TMEM132C: variants seen among roughly 807,000 people sequenced by gnomAD.
The protein encoded by TMEM132C is protein phosphatase 1, regulatory subunit 152.
In TMEM132C, 29 loss-of-function variants were observed where a neutral mutation model predicts 61.4. The ratio of observed to expected loss-of-function variants is 0.47; its 90% CI spans 0.35 to 0.64. TMEM132C has a LOEUF of 0.64. Among genes scored for constraint, TMEM132C ranks in the 30% least tolerant of loss-of-function variants. TMEM132C has a pLI of 0.00. For missense variants in TMEM132C, 1,408 were observed against 1,476.9 expected, an observed-to-expected ratio of 0.95 and a Z score of 0.76; for synonymous variants, 656 against 633.1, an observed-to-expected ratio of 1.04 and a Z score of -0.54.
chr12:128,534,914 A>G (rs1273968512), intron 2 of TMEM132C, among the ~76,000 whole-genome samples: 2 of 152,382 alleles, frequency 1.3e-5, no homozygotes, highest in South Asian at 4.1e-4. Context: ...AAGCGGAAAG[A>G]ACAATTTGTA....
intron 2 of TMEM132C, among the ~76,000 whole-genome samples, chr12:128,438,446 G>A (rs1869672536): frequency 1.3e-5 from 2 of 152,198 alleles, no homozygotes; most frequent in South Asian, 2.1e-4. Context: ...CACATGCGTG[G>A]AAGCAGCCTG....
chr12:128,331,227 A>G (rs910540005), intron 1 of TMEM132C, among the ~76,000 whole-genome samples: 1 of 151,956 alleles, frequency 6.6e-6, no homozygotes. Context: ...ATGTGGTGCT[A>G]ATTTTTCCAG....
At chr12:128,590,884 C>G (rs1323301444) in intron 3 of TMEM132C, among the ~76,000 whole-genome samples, 10 of 152,150 alleles carry the variant, frequency 6.6e-5, no homozygotes, top group Non-Finnish European at 1.3e-4. Context: ...TCAAGCCATC[C>G]TCCCATCTCA....
At chr12:128,292,934 GT>G (rs11292486) in intron 1 of TMEM132C, among the ~76,000 whole-genome samples, 34,940 of 147,354 alleles carry the variant, frequency 0.24, 4,536 homozygotes, top group East Asian at 0.5. Flanking sequence ...TGTTTTCTGT[GT>G]GTTGGTGTAG....
intron 2 of TMEM132C, among the ~76,000 whole-genome samples, chr12:128,525,664 C>G (rs1304410931): frequency 6.6e-6 from 1 of 152,126 alleles, no homozygotes; most frequent in Non-Finnish European, 1.5e-5. Flanking sequence ...AACCCATCGG[C>G]CTTACCCCTG....
At chr12:128,563,646 A>G (rs1294033492) in intron 3 of TMEM132C, among the ~76,000 whole-genome samples, 1 of 152,186 alleles carries the variant, frequency 6.6e-6, no homozygotes, top group Non-Finnish European at 1.5e-5. Flanking sequence ...GAATTTGGGC[A>G]GTGTACATTC....
At chr12:128,537,437 C>A (rs1873572489) in intron 2 of TMEM132C, among the ~76,000 whole-genome samples, 1 of 152,172 alleles carries the variant, frequency 6.6e-6, no homozygotes, top group Admixed American at 6.5e-5. Flanking sequence ...GCCAGGAACT[C>A]AGTTTTCAAG....
chr12:128,672,347 C>T (rs960033594), intron 5 of TMEM132C, among the ~76,000 whole-genome samples: 3 of 152,078 alleles, frequency 2.0e-5, no homozygotes, highest in African/African-American at 7.2e-5. Context: ...GTTGATAAGA[C>T]ACCTCCAGTA....
At chr12:128,560,943 A>G (rs571805164) in intron 3 of TMEM132C, among the ~76,000 whole-genome samples, 41 of 152,376 alleles carry the variant, frequency 2.7e-4, no homozygotes, top group Non-Finnish European at 2.9e-5. Flanking sequence ...CACCGTACAG[A>G]TAAAGGAAGA....
At chr12:128,422,325 G>C (rs1366508907) in intron 2 of TMEM132C, among the ~76,000 whole-genome samples, 1 of 152,178 alleles carries the variant, frequency 6.6e-6, no homozygotes, top group African/African-American at 2.4e-5. Flanking sequence ...AGGTAGGTCA[G>C]TCTTGACCCT....
At chr12:128,543,619 A>G (rs1275479077) in intron 2 of TMEM132C, among the ~76,000 whole-genome samples, 1 of 152,158 alleles carries the variant, frequency 6.6e-6, no homozygotes, top group Non-Finnish European at 1.5e-5. Context: ...TGTCTCTGGC[A>G]GGGCGCAGAG....
At chr12:128,462,066 C>T (rs892053995) in intron 2 of TMEM132C, among the ~76,000 whole-genome samples, 1 of 151,948 alleles carries the variant, frequency 6.6e-6, no homozygotes, top group Admixed American at 6.6e-5. Context: ...GGAATGAATA[C>T]AGCTTCTGCT....
intron 2 of TMEM132C, among the ~76,000 whole-genome samples, chr12:128,473,563 C>T (rs1304634690): frequency 2.1e-3 from 270 of 127,064 alleles, no homozygotes; most frequent in South Asian, 0.015. Context: ...CATCTTCATC[C>T]TTACTCCAGC....
intron 1 of TMEM132C, among the ~76,000 whole-genome samples, chr12:128,399,145 C>T (rs1029450708): frequency 1.3e-5 from 2 of 152,118 alleles, no homozygotes; most frequent in South Asian, 4.1e-4. Context: ...AACTAGCAAG[C>T]AGATGAAACT....
chr12:128,706,001 C>G lies in TMEM132C; in HGVS notation c.3033C>G (p.Leu1011=). The G allele has an allele frequency of 7.1e-6, 11 of 1,551,706 alleles. No individual in the cohort carries two copies. Among genetic ancestry groups the G allele is most frequent in the Non-Finnish European group, 9.6e-6 (11 of 1,146,998 alleles). Residue 1011 remains leucine (L), a synonymous_variant, in exon 9 of 9, where the codon CTC becomes CTG. Transcript: ENST00000435159. ...GGGCCTGCGAGGAGAGCAACCATCT[C>G]CTGCTCAATGGTGGCTCCCACAAGC... ...GPGACEESNH[L]LLNGGSHKHV...
At chr12:128,676,915 G>C (rs1954593920) in intron 5 of TMEM132C, among the ~76,000 whole-genome samples, 1 of 152,232 alleles carries the variant, frequency 6.6e-6, no homozygotes, top group South Asian at 2.1e-4. Context: ...AGGTTAATAG[G>C]AGTCATAACA....
At chr12:128,320,174 G>T (rs950773216) in intron 1 of TMEM132C, among the ~76,000 whole-genome samples, 1 of 152,130 alleles carries the variant, frequency 6.6e-6, no homozygotes, top group Non-Finnish European at 1.5e-5. Flanking sequence ...AATTGCCCTT[G>T]TCATAAAATT....
intron 2 of TMEM132C, among the ~76,000 whole-genome samples, chr12:128,455,578 C>T (rs1272299220): frequency 6.6e-6 from 1 of 152,214 alleles, no homozygotes; most frequent in Non-Finnish European, 1.5e-5. Context: ...GTGCTCCTTA[C>T]TCCCATTGCT....
chr12:128,646,063 A>C (rs985855745), intron 4 of TMEM132C, among the ~76,000 whole-genome samples: 1 of 149,160 alleles, frequency 6.7e-6, no homozygotes, highest in African/African-American at 2.5e-5. Context: ...AGCTCAGTTC[A>C]TCAGCATTGG....
Sources: gnomAD v4.1 joint callset for allele counts (sites outside exome capture counted in the v4.1 genomes callset) on GRCh38, gnomAD v4.1.1 for gene constraint, MANE v1.5 for transcripts, NCBI Gene and HGNC (gene_info 2026-07-23, HGNC 2026-07-21) for gene names.